SNTB2: variants seen among roughly 807,000 people sequenced by gnomAD.
SNTB2 encodes syntrophin beta 2, also known as beta-2-syntrophin.
In SNTB2, 34 loss-of-function variants were observed where a neutral mutation model predicts 46.2. The ratio of observed to expected loss-of-function variants is 0.74; its 90% CI spans 0.56 to 0.98. The LOEUF is 0.98. SNTB2 is among the 50% of genes least tolerant of loss of function. SNTB2 has a pLI of 0.00. For synonymous variants in SNTB2, 290 were observed against 312.6 expected (o/e 0.93, Z 0.76); for missense variants, 603 against 731.4 (o/e 0.82, Z 2.02).
Position 69,299,742 on chromosome 16 carries a change from T to C in SNTB2, c.1498T>C (p.Tyr500His), listed in dbSNP as rs1965261704. 6.2e-7 allele frequency: 1 copy of C among 1,614,190 alleles called. No homozygotes were observed. Among genetic ancestry groups the C allele is most frequent in the Non-Finnish European group, 8.5e-7 (1 of 1,180,028 alleles). Reference sequence around the variant, plus strand: ...TGCTGATGATGGCATCCGAAATCTATACTTGGATTTTGGTGGTCCCGAGGG... The same window carrying C: ...TGCTGATGATGGCATCCGAAATCTACACTTGGATTTTGGTGGTCCCGAGGG... ...MSADDGIRNLYLDFGGPEGEL... is the reference protein window; with the variant it reads ...MSADDGIRNLHLDFGGPEGEL... Residue 500 changes from tyrosine (Y) to histidine (H), a missense_variant, in exon 6 of 7, where the codon TAC becomes CAC. By Grantham distance (83) the Tyr-to-His change is moderately conservative. Transcript: ENST00000336278.
At chr16:69,192,301 C>T (rs1041209063) in intron 1 of SNTB2, among the ~76,000 whole-genome samples, 4 of 152,204 alleles carry the variant, frequency 2.6e-5, no homozygotes, top group Admixed American at 1.3e-4. Flanking sequence ...GGGGACATAG[C>T]AGAGTCCACT....
At chr16:69,272,539 C>CA (rs556616496) in intron 4 of SNTB2, among the ~76,000 whole-genome samples, 2,577 of 57,816 alleles carry the variant, frequency 0.045, 103 homozygotes, top group African/African-American at 0.11. Flanking sequence ...GACTCTGTCT[C>CA]AAAAAAAAAA....
In SNTB2 at chr16:69,213,140, TAAC is replaced by T. The variant is rs1183526849; in HGVS notation, c.580+25395_580+25397del. ...TTCTTTATATGTAAAATGGGAGTAATAACGTGCCCATTTTATAAGGTTATTGTG... is the reference window on the plus strand; with the variant it reads ...TTCTTTATATGTAAAATGGGAGTAATGTGCCCATTTTATAAGGTTATTGTG... On this transcript the variant is annotated intron_variant, in intron 1 of 6. Coordinates refer to ENST00000336278, the MANE Select transcript of SNTB2 (RefSeq NM_006750.4). 3.9e-5 allele frequency among the ~76,000 whole-genome samples: 6 copies of T among 152,162 alleles called. No homozygotes were observed. In the East Asian group the frequency reaches 1.2e-3, roughly 29 times the overall value.
intron 2 of SNTB2, among the ~76,000 whole-genome samples, chr16:69,258,605 CTTTTTTTTTTTTT>C (rs67116274): frequency 3.6e-5 from 3 of 83,504 alleles, no homozygotes; most frequent in East Asian, 3.4e-4. Context: ...CTTGTTCTTT[CTTTTTTTTTTTTT>C]TTTTTTTTTT....
chr16:69,244,146 C>G (rs896358940), intron 1 of SNTB2, among the ~76,000 whole-genome samples: 2 of 152,162 alleles, frequency 1.3e-5, no homozygotes, highest in African/African-American at 2.4e-5. Context: ...CTTTGAATAG[C>G]AAGCACAGTT....
At chr16:69,210,324 A>G (rs1190049644) in intron 1 of SNTB2, among the ~76,000 whole-genome samples, 1 of 147,262 alleles carries the variant, frequency 6.8e-6, no homozygotes, top group South Asian at 2.2e-4. Flanking sequence ...TGTAACCTAC[A>G]CCTCCCAGGT....
chr16:69,241,703 G>A (rs1410056611), intron 1 of SNTB2, among the ~76,000 whole-genome samples: 3 of 151,620 alleles, frequency 2.0e-5, no homozygotes, highest in African/African-American at 7.3e-5. Flanking sequence ...GCCAAGGCGG[G>A]TGGATTGTTT....
At chr16:69,229,202 C>CA (rs1223774602) in intron 1 of SNTB2, among the ~76,000 whole-genome samples, 1 of 152,106 alleles carries the variant, frequency 6.6e-6, no homozygotes, top group Non-Finnish European at 1.5e-5. Context: ...GACAGGATCT[C>CA]ACTCTGTCAT....
At chr16:69,210,573 G>A (rs1318732579) in intron 1 of SNTB2, among the ~76,000 whole-genome samples, 1 of 152,030 alleles carries the variant, frequency 6.6e-6, no homozygotes, top group Non-Finnish European at 1.5e-5. Flanking sequence ...TTGCTCTGTT[G>A]CCCAGGCTGG....
Position 69,258,528 on chromosome 16 carries a change from A to T in SNTB2, c.795-1522A>T, listed in dbSNP as rs1049026593. On this transcript the variant is annotated intron_variant, in intron 2 of 6. Transcript: ENST00000336278. ...ATTTTTCTACCTAATTCACTGGAGG[A>T]GTAATCATATAAAAGTACCCAAACA... Among the ~76,000 whole-genome samples the T allele has an allele frequency of 5.1e-4, 77 of 150,918 alleles. 1 individual carries two copies. Among genetic ancestry groups the T allele is most frequent in the Non-Finnish European group, 1.8e-4 (12 of 67,676 alleles).
In SNTB2 at chr16:69,270,661, A is replaced by G. The variant is rs1395888906; in HGVS notation, c.1148+376A>G. On this transcript the variant is annotated intron_variant, in intron 4 of 6. Transcript: ENST00000336278. ...ACTGAGTGACGAAATCATTTAAACCAGAATGTGGTACTGTGGATAAACCAC... is the reference window on the plus strand; with the variant it reads ...ACTGAGTGACGAAATCATTTAAACCGGAATGTGGTACTGTGGATAAACCAC... 2.6e-5 allele frequency among the ~76,000 whole-genome samples: 4 copies of G among 152,210 alleles called. No individual in the cohort carries two copies. In the East Asian group the frequency reaches 7.7e-4, roughly 29 times the overall value.
chr16:69,195,599 C>T (rs1212077994), intron 1 of SNTB2, among the ~76,000 whole-genome samples: 4 of 152,092 alleles, frequency 2.6e-5, no homozygotes, highest in Non-Finnish European at 5.9e-5. Flanking sequence ...ATTATCTTGG[C>T]TGCAACATCT....
At chr16:69,225,946 T>A (rs1226212129) in intron 1 of SNTB2, among the ~76,000 whole-genome samples, 1 of 152,028 alleles carries the variant, frequency 6.6e-6, no homozygotes, top group Admixed American at 6.5e-5. Context: ...TTTTGTAGTT[T>A]TAGTAGACAT....
At chr16:69,236,445 A>G (rs1198642250) in intron 1 of SNTB2, among the ~76,000 whole-genome samples, 1 of 152,152 alleles carries the variant, frequency 6.6e-6, no homozygotes, top group African/African-American at 2.4e-5. Context: ...AGGTACCTAG[A>G]GTAGTCAAAT....
intron 1 of SNTB2, among the ~76,000 whole-genome samples, chr16:69,225,770 G>T (rs546214389): frequency 6.6e-6 from 1 of 152,316 alleles, no homozygotes; most frequent in East Asian, 1.9e-4. Context: ...GAACATTGTA[G>T]CTCTTTTTGG....
At chr16:69,190,933 AGC>A (rs915354425) in intron 1 of SNTB2, among the ~76,000 whole-genome samples, 1 of 152,180 alleles carries the variant, frequency 6.6e-6, no homozygotes, top group African/African-American at 2.4e-5. Flanking sequence ...CTGGGAATAC[AGC>A]AATGAACAGC....
intron 4 of SNTB2, among the ~76,000 whole-genome samples, chr16:69,281,486 T>G (rs1025112262): frequency 7.1e-5 from 6 of 85,068 alleles, no homozygotes; most frequent in African/African-American, 1.3e-4. Flanking sequence ...TAAGGTCTGG[T>G]TTTTTTTTTT....
In SNTB2 at chr16:69,187,177, C is replaced by G; in HGVS notation, c.11C>G (p.Ala4Gly). 1 of 1,371,270 alleles carries G rather than the reference C, an allele frequency of 7.3e-7. No individual in the cohort carries two copies. The highest frequency in any genetic ancestry group is 9.4e-7 in the Non-Finnish European group (1 of 1,059,890). 84.9% of individuals were successfully genotyped at this position (1,371,270 alleles called of 1,614,324 possible). A position where few individuals can be genotyped will look rare whatever the true frequency, so the allele number is the denominator to read the frequency against. The change falls in exon 1 of 7, where the codon GCT (alanine) becomes GGT (glycine). Residue 4 changes from alanine to glycine, a missense_variant. By Grantham distance (60) the Ala-to-Gly change is moderately conservative. Transcript: ENST00000336278. ...GGCTGCCTGACTGGAATGAGGGTAG[C>G]TGCGGCGACTGCGGCGGCTGGAGCG... Reference protein sequence around the residue: MRVAAATAAAGAGP... With the variant: MRVGAATAAAGAGP...
At chr16:69,189,691 C>G (rs1017583446) in intron 1 of SNTB2, among the ~76,000 whole-genome samples, 22 of 152,190 alleles carry the variant, frequency 1.4e-4, no homozygotes, top group African/African-American at 5.3e-4. Flanking sequence ...GAGCCAAGAT[C>G]TCACCACTGC....
Sources: allele counts gnomAD v4.1 joint callset (sites outside exome capture counted in the v4.1 genomes callset), GRCh38; gene constraint gnomAD v4.1.1; transcripts MANE v1.5; gene names NCBI Gene and HGNC (gene_info 2026-07-23, HGNC 2026-07-21).